Variants in DNAH7 observed in about 807,000 individuals in gnomAD.
The protein encoded by DNAH7 is axonemal beta dynein heavy chain 7.
In DNAH7, 397 loss-of-function variants were observed where a neutral mutation model predicts 444.6. That is an observed-to-expected ratio of 0.89 (90% confidence interval 0.82 to 0.97). The LOEUF (loss-of-function observed/expected upper bound fraction) is 0.97. DNAH7 is among the 50% of genes least tolerant of loss of function. The pLI is 0.00. For synonymous variants in DNAH7, 1,636 were observed against 1,624.4 expected (o/e 1.01, Z -0.17); for missense variants, 4,902 against 4,800.8 (o/e 1.02, Z -0.62).
At chr2:195,850,950 TG>T (rs1195706495) in intron 46 of DNAH7, among the ~76,000 whole-genome samples, 1 of 152,190 alleles carries the variant, frequency 6.6e-6, no homozygotes, top group East Asian at 1.9e-4. Flanking sequence ...GAGACTCCCA[TG>T]CTCCCTTCAA....
chr2:195,876,482 T>A lies in DNAH7; in HGVS notation c.6117+62A>T, dbSNP rs1305857731. 8.1e-6 allele frequency: 12 copies of A among 1,482,578 alleles called. No homozygotes were observed. In the Admixed American group the frequency reaches 2.6e-4, roughly 32 times the overall value. The allele number at this position is 1,482,578 out of a possible 1,614,324, so 91.8% of individuals were successfully genotyped here. Reference sequence around the variant, plus strand: ...ATGTCTCTCCCCAGGATATTTGGTTTCCTTGTTCCAACTGCAGCAATGTAT... The same window carrying A: ...ATGTCTCTCCCCAGGATATTTGGTTACCTTGTTCCAACTGCAGCAATGTAT... On this transcript the variant is annotated intron_variant, in intron 37 of 64. Transcript: ENST00000312428.
intron 10 of DNAH7, among the ~76,000 whole-genome samples, chr2:196,005,611 GA>G (rs964893227): frequency 9.9e-5 from 15 of 151,914 alleles, no homozygotes; most frequent in African/African-American, 3.1e-4. Flanking sequence ...TGATAATCTA[GA>G]AAAAACGGAC....
intron 63 of DNAH7, among the ~76,000 whole-genome samples, chr2:195,741,568 T>C (rs1693035526): frequency 1.3e-5 from 2 of 152,220 alleles, no homozygotes; most frequent in Non-Finnish European, 2.9e-5. Context: ...ATGTAGACTT[T>C]GGGAAGACCA....
rs528997491 is a variant in DNAH7 at position 195,856,092 on chromosome 2, C to T, written c.8415-101G>A. 2.0e-5 allele frequency: 21 copies of T among 1,067,576 alleles called. No homozygotes were observed. The African/African-American group carries it at 3.0e-4, about 15-fold the overall frequency. 66.1% of individuals were successfully genotyped at this position (1,067,576 alleles called of 1,614,324 possible). A position where few individuals can be genotyped will look rare whatever the true frequency, so the allele number is the denominator to read the frequency against. On this transcript the variant is annotated intron_variant, in intron 44 of 64. Coordinates refer to ENST00000312428, the MANE Select transcript of DNAH7 (RefSeq NM_018897.3). ...CTAATACCCTTACTATAACTGAAAA[C>T]ACTTCTTTATGCAAAAATCTAAACC...
At chr2:195,758,026 G>A (rs556544350) in intron 61 of DNAH7, among the ~76,000 whole-genome samples, 2 of 152,328 alleles carry the variant, frequency 1.3e-5, no homozygotes, top group South Asian at 4.1e-4. Flanking sequence ...CATGAATACT[G>A]GATGCTGAGA....
At chr2:195,876,772 C>G (rs1478717310) in intron 36 of DNAH7, 73 bp from the exon 37 acceptor site, 1 of 1,035,230 alleles carries the variant, frequency 9.7e-7, no homozygotes, top group African/African-American at 1.6e-5. Flanking sequence ...CACTAAGCAT[C>G]ATTACTGATA....
At chr2:196,040,411 G>A (rs1696665297) in intron 5 of DNAH7, among the ~76,000 whole-genome samples, 1 of 152,070 alleles carries the variant, frequency 6.6e-6, no homozygotes, top group Non-Finnish European at 1.5e-5. Flanking sequence ...GGAATGCAAG[G>A]ATGGTTCAAC....
At chr2:195,750,318 G>C (rs1693721169) in intron 63 of DNAH7, among the ~76,000 whole-genome samples, 2 of 152,142 alleles carry the variant, frequency 1.3e-5, no homozygotes, top group Non-Finnish European at 2.9e-5. Context: ...GTTTGATCTT[G>C]GGTATTAGGT....
chr2:195,978,467 G>A (rs1692346799), intron 15 of DNAH7, among the ~76,000 whole-genome samples: 1 of 151,566 alleles, frequency 6.6e-6, no homozygotes, highest in African/African-American at 2.4e-5. Flanking sequence ...TCACTAAAAG[G>A]AAGACAGAAA....
chr2:195,932,859 G>C (rs1228029574), intron 21 of DNAH7, among the ~76,000 whole-genome samples: 3 of 152,114 alleles, frequency 2.0e-5, no homozygotes, highest in African/African-American at 7.2e-5. Flanking sequence ...ATGTTCATCA[G>C]GGATATTGGT....
In DNAH7 at chr2:195,775,892, T is replaced by A. The variant is rs768667785; in HGVS notation, c.11156A>T (p.Asp3719Val). The change falls in exon 60 of 65, where the codon GAT becomes GTT. Residue 3719 changes from aspartate (D) to valine (V), a missense_variant. Transcript: ENST00000312428. ...GMNANADITK[D>V]QSETQLLFDN... ...AAATAGCAGCTGAGTTTCTGACTGA[T>A]CCTTAGTGATATCTGCATTGGCATT... 4 of 1,614,160 alleles carry A rather than the reference T, an allele frequency of 2.5e-6. No individual in the cohort carries two copies. The highest frequency in any genetic ancestry group is 2.2e-5 in the East Asian group (1 of 44,876).
intron 63 of DNAH7, among the ~76,000 whole-genome samples, chr2:195,749,838 AGG>A (rs1693679860): frequency 2.2e-5 from 2 of 92,692 alleles, no homozygotes; most frequent in South Asian, 8.1e-4. Context: ...GTTGTGGGGA[AGG>A]GGGAGGGGGG....
At chr2:195,815,214 T>A (rs926202512) in intron 51 of DNAH7, among the ~76,000 whole-genome samples, 2 of 152,004 alleles carry the variant, frequency 1.3e-5, no homozygotes, top group Non-Finnish European at 2.9e-5. Flanking sequence ...ACTTGAAAAT[T>A]TCAGAACTGG....
intron 5 of DNAH7, among the ~76,000 whole-genome samples, chr2:196,042,627 A>G (rs1386699747): frequency 6.6e-6 from 1 of 152,110 alleles, no homozygotes; most frequent in African/African-American, 2.4e-5. Flanking sequence ...CATTAGGGAA[A>G]TCAACTTAAA....
intron 12 of DNAH7, among the ~76,000 whole-genome samples, chr2:195,998,130 G>A (rs1286338554): frequency 6.6e-6 from 1 of 152,076 alleles, no homozygotes; most frequent in Non-Finnish European, 1.5e-5. Flanking sequence ...CTCAAAATTT[G>A]ATACCATGAA....
Position 195,881,071 on chromosome 2 carries a change from T to C in DNAH7, c.5961+724A>G, listed in dbSNP as rs191811517. Among the ~76,000 whole-genome samples the C allele has an allele frequency of 1.5e-3, 227 of 152,278 alleles. 1 individual carries two copies. Among genetic ancestry groups the C allele is most frequent in the African/African-American group, 5.0e-3 (207 of 41,546 alleles). On this transcript the variant is annotated intron_variant, in intron 36 of 64. Transcript: ENST00000312428. Reference sequence around the variant, plus strand: ...AGTGAAAATGTATCTCTGCCTCCTCTTGGATACTCCCATACATGCAAGCAT... The same window carrying C: ...AGTGAAAATGTATCTCTGCCTCCTCCTGGATACTCCCATACATGCAAGCAT...
At chr2:195,874,542 G>T (rs900526774) in intron 38 of DNAH7, among the ~76,000 whole-genome samples, 3 of 152,020 alleles carry the variant, frequency 2.0e-5, no homozygotes, top group Non-Finnish European at 2.9e-5. Context: ...TTGGGGTGGT[G>T]GGGGAGAGAC....
intron 19 of DNAH7, among the ~76,000 whole-genome samples, chr2:195,938,829 T>C (rs1001447015): frequency 2.6e-5 from 4 of 152,092 alleles, no homozygotes; most frequent in African/African-American, 7.2e-5. Flanking sequence ...CTATGTATCT[T>C]TGTATATGGA....
At chr2:195,950,928 T>C (rs750265476) in intron 19 of DNAH7, among the ~76,000 whole-genome samples, 7 of 150,732 alleles carry the variant, frequency 4.6e-5, no homozygotes, top group Non-Finnish European at 1.0e-4. Context: ...TTTGTGTCTC[T>C]ATCTCCTTCA....
Sources: gnomAD v4.1 joint callset for allele counts (sites outside exome capture counted in the v4.1 genomes callset) on GRCh38, gnomAD v4.1.1 for gene constraint, MANE v1.5 for transcripts, NCBI Gene and HGNC (gene_info 2026-07-23, HGNC 2026-07-21) for gene names.